The following CROT variants were observed in gnomAD, a reference collection of about 807,000 sequenced individuals.
The protein encoded by CROT is carnitine O-octanoyltransferase.
A neutral mutation model predicts 89.2 loss-of-function variants in CROT; 84 were observed. That is an observed-to-expected ratio of 0.94 (90% confidence interval 0.79 to 1.13). The LOEUF is 1.13. Among genes scored for constraint, CROT ranks in the 50% most tolerant of loss-of-function variants. The pLI is 0.00. For synonymous variants in CROT, 212 were observed against 239.5 expected (o/e 0.89, Z 1.06); for missense variants, 711 against 727.8 (o/e 0.98, Z 0.27).
chr7:87,354,632 TG>T (rs530701800), intron 3 of CROT, among the ~76,000 whole-genome samples: 213 of 152,152 alleles, frequency 1.4e-3, no homozygotes, highest in Middle Eastern at 6.8e-3. Flanking sequence ...AAAAAAAAGT[TG>T]ATGAGAAAGC....
At chr7:87,392,863 T>C (rs768258087) in intron 16 of CROT, 40 bp downstream of exon 16, 2 of 1,609,470 alleles carry the variant, frequency 1.2e-6, no homozygotes, top group Non-Finnish European at 1.7e-6. Context: ...TCAATTGGCT[T>C]CCTCTTTTTG....
intron 17 of CROT, among the ~76,000 whole-genome samples, chr7:87,395,969 A>T (rs1319143738): frequency 6.6e-6 from 1 of 152,208 alleles, no homozygotes; most frequent in Non-Finnish European, 1.5e-5. Context: ...CATTGTTGTT[A>T]AGAAGAAGTC....
At chr7:87,385,734 G>A (rs535117886) in intron 13 of CROT, among the ~76,000 whole-genome samples, 2 of 152,286 alleles carry the variant, frequency 1.3e-5, no homozygotes, top group Non-Finnish European at 2.9e-5. Context: ...AGTGGTGAAA[G>A]TAGGCATCTT....
chr7:87,387,752 G>C (rs1807226897), intron 13 of CROT, among the ~76,000 whole-genome samples: 1 of 152,164 alleles, frequency 6.6e-6, no homozygotes, highest in African/African-American at 2.4e-5. Flanking sequence ...AGGAGTTCGA[G>C]ACTAGCCTGG....
chr7:87,394,204 A>C (rs1249286686), intron 17 of CROT, among the ~76,000 whole-genome samples: 1 of 152,178 alleles, frequency 6.6e-6, no homozygotes, highest in East Asian at 1.9e-4. Context: ...TAGCTACCTC[A>C]TGTTGCTACT....
Position 87,361,522 on chromosome 7 carries a change from G to C in CROT, c.373G>C (p.Gly125Arg). The change falls in exon 5 of 18, where the codon GGA becomes CGA. Residue 125 changes from glycine to arginine, a missense_variant. Coordinates refer to ENST00000331536, the MANE Select transcript of CROT (RefSeq NM_021151.4). ...AAAGGAAGGGACTCAATTAGAAAGAGGAAGTATAACTCTTTGGCATAACTT... is the reference window on the plus strand; with the variant it reads ...AAAGGAAGGGACTCAATTAGAAAGACGAAGTATAACTCTTTGGCATAACTT... ...PPKEGTQLER[G>R]SITLWHNLNY... 2 of 1,611,366 alleles carry C rather than the reference G, an allele frequency of 1.2e-6. No homozygotes were observed. The highest frequency in any genetic ancestry group is 1.7e-6 in the Non-Finnish European group (2 of 1,179,306).
intron 12 of CROT, 73 bp downstream of exon 12, chr7:87,382,254 C>T (rs1807035642): frequency 1.0e-5 from 15 of 1,436,046 alleles, no homozygotes; most frequent in Non-Finnish European, 4.8e-6. Context: ...ATTTGGCTGT[C>T]ATCCAAGCAT....
intron 4 of CROT, chr7:87,359,638 G>A (rs1584624916): frequency 1.8e-6 from 2 of 1,087,198 alleles, no homozygotes; most frequent in East Asian, 7.2e-5. Flanking sequence ...CCATGCTGAA[G>A]GAAAACATTT....
intron 17 of CROT, chr7:87,398,175 G>T: frequency 5.4e-6 from 2 of 372,548 alleles, no homozygotes; most frequent in Non-Finnish European, 5.2e-6. Context: ...ACTGTAGCAT[G>T]AATTCATATT....
intron 7 of CROT, chr7:87,369,747 C>G (rs985939951): frequency 5.9e-6 from 1 of 168,702 alleles, no homozygotes; most frequent in Non-Finnish European, 1.2e-5. Flanking sequence ...ATTAATCACT[C>G]TTACTAGTTT....
At chr7:87,376,007 A>C in intron 9 of CROT, 54 bp downstream of exon 9, 1 of 1,486,282 alleles carries the variant, frequency 6.7e-7, no homozygotes, top group Non-Finnish European at 9.0e-7. Flanking sequence ...TGGAAGACTC[A>C]TATTTATTGA....
chr7:87,352,293 T>C (rs1805894022), intron 3 of CROT, among the ~76,000 whole-genome samples: 1 of 152,230 alleles, frequency 6.6e-6, no homozygotes, highest in African/African-American at 2.4e-5. Flanking sequence ...TTTTGTCCAG[T>C]ATTGATGTCA....
At chr7:87,361,240 G>A (rs1247637428) in intron 4 of CROT, 150 bp from the exon 5 acceptor site, 11 of 746,908 alleles carry the variant, frequency 1.5e-5, no homozygotes, top group Non-Finnish European at 2.3e-5. Flanking sequence ...TGGGATTATA[G>A]GTGTGAGTCA....
intron 17 of CROT, among the ~76,000 whole-genome samples, chr7:87,397,669 G>A (rs1427653754): frequency 6.6e-6 from 1 of 152,136 alleles, no homozygotes; most frequent in East Asian, 1.9e-4. Context: ...ACTTCCTAAA[G>A]GTTTCTGTAT....
At chr7:87,389,466 C>T (rs1484599819) in intron 13 of CROT, among the ~76,000 whole-genome samples, 1 of 152,146 alleles carries the variant, frequency 6.6e-6, no homozygotes, top group Non-Finnish European at 1.5e-5. Context: ...AGTTCATGTC[C>T]TTTGCAGGGA....
chr7:87,376,338 A>G (rs1806810936), intron 9 of CROT, among the ~76,000 whole-genome samples: 1 of 152,080 alleles, frequency 6.6e-6, no homozygotes, highest in Admixed American at 6.6e-5. Flanking sequence ...TTGACACCAT[A>G]GTTGGGACTG....
Position 87,349,196 on chromosome 7 carries a change from T to A in CROT, c.115+13T>A, listed in dbSNP as rs935493924. 1.6e-6 allele frequency: 2 copies of A among 1,284,438 alleles called. No individual in the cohort carries two copies. Among genetic ancestry groups the A allele is most frequent in the African/African-American group, 3.0e-5 (2 of 66,734 alleles). The allele number at this position is 1,284,438 out of a possible 1,614,324, so 79.6% of individuals were successfully genotyped here. On this transcript the variant is annotated intron_variant, in intron 3 of 17. Transcript: ENST00000331536. Reference sequence around the variant, plus strand: ...TACCTTGAATCAGGTATGTTAATAATCTTTTAGTATATATTAATATTATTA... The same window carrying A: ...TACCTTGAATCAGGTATGTTAATAAACTTTTAGTATATATTAATATTATTA...
At chr7:87,360,771 A>C (rs1378740593) in intron 4 of CROT, among the ~76,000 whole-genome samples, 1 of 152,220 alleles carries the variant, frequency 6.6e-6, no homozygotes, top group African/African-American at 2.4e-5. Flanking sequence ...CTGAAGAAAC[A>C]CCTATGTACT....
intron 7 of CROT, among the ~76,000 whole-genome samples, chr7:87,370,215 G>A (rs1047221121): frequency 9.2e-5 from 14 of 151,884 alleles, no homozygotes; most frequent in African/African-American, 3.1e-4. Context: ...ACAGAGTCTT[G>A]CTTTGTGTCC....
Sources: allele counts gnomAD v4.1 joint callset (sites outside exome capture counted in the v4.1 genomes callset), GRCh38; gene constraint gnomAD v4.1.1; transcripts MANE v1.5; gene names NCBI Gene and HGNC (gene_info 2026-07-23, HGNC 2026-07-21).